GMDS: variants seen among roughly 807,000 people sequenced by gnomAD.
The protein encoded by GMDS is GDP-mannose 4,6-dehydratase, also known as GDP-mannose 4,6 dehydratase.
GMDS carries 20 observed loss-of-function variants against 49.9 expected under a neutral mutation model. That is an observed-to-expected ratio of 0.40 (90% CI 0.28 to 0.58). The LOEUF (loss-of-function observed/expected upper bound fraction) is 0.58. Among genes scored for constraint, GMDS ranks in the 20% least tolerant of loss-of-function variants. GMDS has a pLI of 0.42. For synonymous variants in GMDS, 177 were observed against 178.6 expected, an observed-to-expected ratio of 0.99 and a Z score of 0.07; for missense variants, 362 against 481.4, an observed-to-expected ratio of 0.75 and a Z score of 2.32.
chr6:1,758,776 G>A (rs1768051371), intron 7 of GMDS, among the ~76,000 whole-genome samples: 1 of 152,168 alleles, frequency 6.6e-6, no homozygotes, highest in Non-Finnish European at 1.5e-5. Flanking sequence ...CTATTCACTG[G>A]GTGACTTCTG....
chr6:1,627,915 G>A (rs1286610110), intron 9 of GMDS, among the ~76,000 whole-genome samples: 3 of 152,328 alleles, frequency 2.0e-5, no homozygotes, highest in African/African-American at 7.2e-5. Flanking sequence ...GTTTCAATAT[G>A]TAATTTATAA....
chr6:2,012,702 G>T (rs866033420), intron 4 of GMDS, among the ~76,000 whole-genome samples: 2 of 151,986 alleles, frequency 1.3e-5, no homozygotes, highest in Non-Finnish European at 2.9e-5. Context: ...AGGAGAAACC[G>T]CCAGGAAAAT....
At chr6:1,851,734 G>GA (rs1466865266) in intron 7 of GMDS, among the ~76,000 whole-genome samples, 2 of 151,712 alleles carry the variant, frequency 1.3e-5, no homozygotes, top group East Asian at 1.9e-4. Context: ...AATTTTAAAA[G>GA]AAAAAAAAGA....
chr6:1,632,378 A>G (rs976334451), intron 9 of GMDS, among the ~76,000 whole-genome samples: 10 of 152,342 alleles, frequency 6.6e-5, no homozygotes, highest in Admixed American at 4.6e-4. Flanking sequence ...GTGAGGTCCC[A>G]GAAGAGGCAT....
intron 4 of GMDS, among the ~76,000 whole-genome samples, chr6:2,034,281 AT>A (rs1423988341): frequency 6.6e-6 from 1 of 152,208 alleles, no homozygotes; most frequent in Non-Finnish European, 1.5e-5. Flanking sequence ...ACATTTAAAA[AT>A]GTAACAACTC....
chr6:2,215,230 T>A (rs1561663587), intron 1 of GMDS, among the ~76,000 whole-genome samples: 1 of 151,738 alleles, frequency 6.6e-6, no homozygotes, highest in Non-Finnish European at 1.5e-5. Flanking sequence ...CATACAGAGA[T>A]AGAGACACAG....
chr6:1,896,564 C>T (rs1025722891), intron 7 of GMDS, among the ~76,000 whole-genome samples: 6 of 151,776 alleles, frequency 4.0e-5, no homozygotes, highest in Non-Finnish European at 7.4e-5. Context: ...GAAGGGGGCT[C>T]GGTGCTGGGA....
intron 9 of GMDS, among the ~76,000 whole-genome samples, chr6:1,714,938 G>A (rs1369670008): frequency 1.3e-5 from 2 of 152,240 alleles, no homozygotes; most frequent in Non-Finnish European, 2.9e-5. Flanking sequence ...TCTTCCTGTG[G>A]AGAGGAGCCA....
chr6:1,808,900 C>CTG (rs1266048137), intron 7 of GMDS, among the ~76,000 whole-genome samples: 1 of 120,332 alleles, frequency 8.3e-6, no homozygotes. Flanking sequence ...AGTGCATGCT[C>CTG]TCTCTGTGTG....
chr6:2,174,077 A>G (rs1187998345), intron 1 of GMDS, among the ~76,000 whole-genome samples: 1 of 152,218 alleles, frequency 6.6e-6, no homozygotes, highest in Non-Finnish European at 1.5e-5. Context: ...ATTACAGGCT[A>G]CGAACAGTAA....
chr6:2,008,251 A>G (rs1361877907), intron 4 of GMDS, among the ~76,000 whole-genome samples: 1 of 152,242 alleles, frequency 6.6e-6, no homozygotes, highest in Non-Finnish European at 1.5e-5. Context: ...TCAGTAGGAA[A>G]GCATTTTTAA....
chr6:2,226,850 C>T (rs982996909), intron 1 of GMDS, among the ~76,000 whole-genome samples: 6 of 152,178 alleles, frequency 3.9e-5, no homozygotes, highest in African/African-American at 1.4e-4. Context: ...TCACCCTAGA[C>T]CCCCAGATGC....
At chr6:2,203,663 A>C (rs552088805) in intron 1 of GMDS, among the ~76,000 whole-genome samples, 170 of 152,302 alleles carry the variant, frequency 1.1e-3, no homozygotes, top group African/African-American at 4.1e-3. Context: ...CACTACGAAA[A>C]AAAAATGTGT....
At chr6:2,152,050 C>T (rs1776870054) in intron 1 of GMDS, among the ~76,000 whole-genome samples, 1 of 152,138 alleles carries the variant, frequency 6.6e-6, no homozygotes, top group Non-Finnish European at 1.5e-5. Context: ...GAAGGCCACA[C>T]ACAAGTCGAC....
At chr6:2,210,789 T>C (rs1253993216) in intron 1 of GMDS, among the ~76,000 whole-genome samples, 1 of 152,210 alleles carries the variant, frequency 6.6e-6, no homozygotes, top group Non-Finnish European at 1.5e-5. Context: ...TCACGGCACT[T>C]AGTGACTAAC....
chr6:2,034,860 C>A (rs931486401), intron 4 of GMDS, among the ~76,000 whole-genome samples: 1 of 152,142 alleles, frequency 6.6e-6, no homozygotes, highest in African/African-American at 2.4e-5. Context: ...GAGAAGCCAG[C>A]CAATCCGTTT....
intron 7 of GMDS, among the ~76,000 whole-genome samples, chr6:1,871,560 T>C (rs1758754234): frequency 1.3e-5 from 2 of 152,222 alleles, no homozygotes; most frequent in Admixed American, 1.3e-4. Context: ...TCCTTCTTTG[T>C]TACAGAAATT....
chr6:1,708,597 A>G (rs1765826103), intron 9 of GMDS, among the ~76,000 whole-genome samples: 1 of 152,258 alleles, frequency 6.6e-6, no homozygotes, highest in Admixed American at 6.5e-5. Context: ...TGGGAAAAGC[A>G]GGTTTGGGTT....
chr6:2,042,456 C>T (rs532582715), intron 4 of GMDS, among the ~76,000 whole-genome samples: 13 of 152,174 alleles, frequency 8.5e-5, no homozygotes, highest in African/African-American at 3.1e-4. Flanking sequence ...GGGCACCCTC[C>T]GTAGTGTGGC....
Sources: gnomAD v4.1 joint callset for allele counts (sites outside exome capture counted in the v4.1 genomes callset) on GRCh38, gnomAD v4.1.1 for gene constraint, MANE v1.5 for transcripts, NCBI Gene and HGNC (gene_info 2026-07-23, HGNC 2026-07-21) for gene names.